Variants in NCOA1 observed in about 807,000 individuals in gnomAD.
NCOA1 encodes the protein Hin-2 protein.
A neutral mutation model predicts 150.9 loss-of-function variants in NCOA1; 35 were observed. The observed-to-expected ratio is 0.23, with a 90% confidence interval of 0.18 to 0.31. The LOEUF (loss-of-function observed/expected upper bound fraction) is 0.31. Ranked by LOEUF, NCOA1 falls within the 10% of genes least tolerant of loss-of-function variation. The pLI, the probability that NCOA1 is intolerant of heterozygous loss-of-function variation, is 1.00. For missense variants in NCOA1, 1,491 were observed against 1,749.3 expected, an observed-to-expected ratio of 0.85 and a Z score of 2.63; for synonymous variants, 590 against 630.0, an observed-to-expected ratio of 0.94 and a Z score of 0.95.
intron 14 of NCOA1, among the ~76,000 whole-genome samples, chr2:24,724,066 G>GT (rs202164932): frequency 0.012 from 1,776 of 149,962 alleles, 23 homozygotes; most frequent in Non-Finnish European, 0.019. Flanking sequence ...TATAAGGGGG[G>GT]TTTTTTTGTT....
At chr2:24,539,818 G>T (rs1251900655) in intron 1 of NCOA1, among the ~76,000 whole-genome samples, 1 of 152,068 alleles carries the variant, frequency 6.6e-6, no homozygotes, top group African/African-American at 2.4e-5. Flanking sequence ...GGCTAGGAAG[G>T]GTCCCAGAAT....
intron 18 of NCOA1, among the ~76,000 whole-genome samples, chr2:24,739,949 T>C (rs1663521799): frequency 6.6e-6 from 1 of 152,232 alleles, no homozygotes; most frequent in Non-Finnish European, 1.5e-5. Context: ...ATTTTCTAGC[T>C]TGTATTTATT....
In NCOA1 at chr2:24,584,511, C is replaced by T. The variant is rs1178645527; in HGVS notation, c.-224C>T. 1 of 152,180 alleles carries T rather than the reference C, an allele frequency of 6.6e-6. No individual in the cohort carries two copies. The highest frequency in any genetic ancestry group is 1.5e-5 in the Non-Finnish European group (1 of 68,034). 9.4% of individuals were successfully genotyped at this position (152,180 alleles called of 1,614,324 possible). A position where few individuals can be genotyped will look rare whatever the true frequency, so the allele number is the denominator to read the frequency against. On this transcript the variant is annotated 5_prime_UTR_variant, in exon 3 of 23. Transcript: ENST00000348332. ...CAGCTATATCAGAGAATGAGTTAATCTCCTCAGAAATCACTAAATACTACT... is the reference window on the plus strand; with the variant it reads ...CAGCTATATCAGAGAATGAGTTAATTTCCTCAGAAATCACTAAATACTACT...
At chr2:24,540,136 A>G (rs908966680) in intron 1 of NCOA1, among the ~76,000 whole-genome samples, 1 of 152,216 alleles carries the variant, frequency 6.6e-6, no homozygotes, top group Non-Finnish European at 1.5e-5. Flanking sequence ...AGTGTAACAG[A>G]ATCCCAAGTA....
chr2:24,505,896 C>T (rs1262987470), intron 1 of NCOA1, among the ~76,000 whole-genome samples: 1 of 152,100 alleles, frequency 6.6e-6, no homozygotes, highest in East Asian at 1.9e-4. Flanking sequence ...TTGAAGGAAG[C>T]CCATCTGCCA....
intron 4 of NCOA1, among the ~76,000 whole-genome samples, chr2:24,644,677 G>A (rs751681832): frequency 9.2e-5 from 14 of 152,094 alleles, no homozygotes; most frequent in Middle Eastern, 3.4e-3. Flanking sequence ...AAATAAACAT[G>A]TACCAAGCCA....
At chr2:24,614,382 T>C (rs919684174) in intron 3 of NCOA1, among the ~76,000 whole-genome samples, 7 of 151,398 alleles carry the variant, frequency 4.6e-5, no homozygotes, top group African/African-American at 1.7e-4. Context: ...CACACCTGGC[T>C]ACTTTTTTGT....
At chr2:24,629,451 T>G (rs889466942) in intron 3 of NCOA1, among the ~76,000 whole-genome samples, 1 of 149,352 alleles carries the variant, frequency 6.7e-6, no homozygotes, top group Admixed American at 6.8e-5. Context: ...AAAATAACTC[T>G]GGGTTGACCT....
chr2:24,758,449 G>C (rs1664610303), intron 21 of NCOA1, among the ~76,000 whole-genome samples: 1 of 149,370 alleles, frequency 6.7e-6, no homozygotes, highest in Non-Finnish European at 1.5e-5. Context: ...TCCCACCTCA[G>C]ACTCCTAAGT....
intron 15 of NCOA1, 31 bp from the exon 16 acceptor site, chr2:24,728,277 T>G: frequency 6.3e-7 from 1 of 1,575,586 alleles, no homozygotes; most frequent in East Asian, 2.3e-5. Flanking sequence ...GCTATGTCAG[T>G]CTGAAACTTT....
intron 2 of NCOA1, among the ~76,000 whole-genome samples, chr2:24,576,503 T>C (rs1666997336): frequency 6.6e-6 from 1 of 152,192 alleles, no homozygotes. Context: ...TTTTCATCTT[T>C]TCTCAGGAAT....
chr2:24,704,120 T>C (rs186522910), intron 11 of NCOA1, among the ~76,000 whole-genome samples: 2 of 152,318 alleles, frequency 1.3e-5, no homozygotes, highest in African/African-American at 2.4e-5. Context: ...TTGTTCCTTA[T>C]ACTAATAACC....
chr2:24,555,147 G>T (rs1466133190), intron 1 of NCOA1, among the ~76,000 whole-genome samples: 1 of 151,894 alleles, frequency 6.6e-6, no homozygotes, highest in Admixed American at 6.6e-5. Flanking sequence ...CCCCACAAAC[G>T]TTGATATTTT....
At chr2:24,583,000 T>A (rs753514278) in intron 2 of NCOA1, among the ~76,000 whole-genome samples, 2 of 152,106 alleles carry the variant, frequency 1.3e-5, no homozygotes, top group South Asian at 2.1e-4. Context: ...AGGATATTTA[T>A]CTGGGCAAAG....
At chr2:24,599,576 G>A (rs1668022183) in intron 3 of NCOA1, among the ~76,000 whole-genome samples, 1 of 152,110 alleles carries the variant, frequency 6.6e-6, no homozygotes, top group South Asian at 2.1e-4. Context: ...TATTTACACA[G>A]TGGGACAAAT....
At chr2:24,626,294 G>C (rs1011196840) in intron 3 of NCOA1, among the ~76,000 whole-genome samples, 12 of 152,212 alleles carry the variant, frequency 7.9e-5, no homozygotes, top group Non-Finnish European at 1.5e-5. Context: ...GACATGAGAT[G>C]TGGGGACTTG....
In NCOA1 at chr2:24,568,000, T is replaced by C. The variant is rs565362185; in HGVS notation, c.-260+3570T>C. ...CTCAAGTGATCTGCCCACCTTGGCCTCCCGAAGTGCTGGGATTACAGGCAT... is the reference window on the plus strand; with the variant it reads ...CTCAAGTGATCTGCCCACCTTGGCCCCCCGAAGTGCTGGGATTACAGGCAT... On this transcript the variant is annotated intron_variant, in intron 2 of 22. Transcript: ENST00000348332. Among the ~76,000 whole-genome samples, 620 of 152,292 alleles carry C rather than the reference T, an allele frequency of 4.1e-3. 5 individuals carry two copies. Among genetic ancestry groups the C allele is most frequent in the African/African-American group, 0.014 (601 of 41,558 alleles).
intron 3 of NCOA1, among the ~76,000 whole-genome samples, chr2:24,607,708 A>G (rs1007071783): frequency 6.6e-6 from 1 of 151,878 alleles, no homozygotes; most frequent in African/African-American, 2.4e-5. Context: ...AAAAAGTGAG[A>G]TTCACCTACT....
intron 1 of NCOA1, among the ~76,000 whole-genome samples, chr2:24,527,389 C>T (rs1038452380): frequency 6.6e-6 from 1 of 152,098 alleles, no homozygotes; most frequent in Non-Finnish European, 1.5e-5. Flanking sequence ...TAAAACATTC[C>T]ATATGTGAGG....
Sources: allele counts gnomAD v4.1 joint callset (sites outside exome capture counted in the v4.1 genomes callset), GRCh38; gene constraint gnomAD v4.1.1; transcripts MANE v1.5; gene names NCBI Gene and HGNC (gene_info 2026-07-23, HGNC 2026-07-21).